The following ICE1 variants were observed in gnomAD, a reference collection of about 807,000 sequenced individuals.
The protein encoded by ICE1 is little elongation complex subunit 1.
ICE1 carries 64 observed loss-of-function variants against 192.7 expected under a neutral mutation model. The observed-to-expected ratio is 0.33, with a 90% CI of 0.27 to 0.41. The LOEUF is 0.41. ICE1 is among the 10% of genes least tolerant of loss of function. The pLI, the probability that ICE1 is intolerant of heterozygous loss-of-function variation, is 1.00. For synonymous variants in ICE1, 1,010 were observed against 984.5 expected (o/e 1.03, Z -0.49); for missense variants, 2,708 against 2,696.0 (o/e 1.00, Z -0.10).
chr5:5,448,697 A>G (rs986712025), intron 10 of ICE1, among the ~76,000 whole-genome samples: 1 of 152,192 alleles, frequency 6.6e-6, no homozygotes, highest in Non-Finnish European at 1.5e-5. Context: ...AAACATTTAA[A>G]TTGTGTGCAG....
chr5:5,464,187 C>T lies in ICE1; in HGVS notation c.4853C>T (p.Pro1618Leu), dbSNP rs3747731. ...ADTSTPTDCS[P>L]DTLSKIRQEV... Reference sequence around the variant, plus strand: ...ACATCCACTCCTACAGATTGTTCTCCTGACACACTGAGTAAAATACGGCAA... The same window carrying T: ...ACATCCACTCCTACAGATTGTTCTCTTGACACACTGAGTAAAATACGGCAA... Residue 1618 changes from proline (P) to leucine (L), a missense_variant, in exon 13 of 19, where the codon CCT becomes CTT. Around this residue, in one of 2 missense-constraint regions of ICE1, gnomAD observed 2,366 missense variants for 2,276.6 expected, o/e 1.04. Coordinates refer to ENST00000296564, the MANE Select transcript of ICE1 (RefSeq NM_015325.3). This position sits in a 1 kb window ranked among gnomAD's most constrained non-coding sequence, Gnocchi z 4.0. The T allele has an allele frequency of 7.5e-5, 121 of 1,613,720 alleles. No individual in the cohort carries two copies. The East Asian group carries it at 2.5e-3, about 33-fold the overall frequency.
rs947595189 is a variant in ICE1, at chr5:5,464,810, G to C, written c.5476G>C (p.Gly1826Arg). 2.3e-5 allele frequency: 37 copies of C among 1,613,550 alleles called. No individual in the cohort carries two copies. The highest frequency in any genetic ancestry group is 3.0e-5 in the Non-Finnish European group (35 of 1,179,776). The change falls in exon 13 of 19, where the codon GGG becomes CGG. Residue 1826 changes from glycine to arginine, a missense_variant. Gly to Arg is a moderately radical substitution (Grantham distance 125). This residue lies in a region of ICE1 where 2,366 missense variants were observed against 2,276.6 expected (regional missense o/e 1.04). Coordinates refer to ENST00000296564, the MANE Select transcript of ICE1 (RefSeq NM_015325.3). This position sits in a 1 kb window ranked among gnomAD's most constrained non-coding sequence, Gnocchi z 4.0. ...TAACCAAGACAAGTCAAGAGATTTG[G>C]GGACTCAGCAGGATTCAAGCGGGAA... ...DCNQDKSRDL[G>R]TQQDSSGKRT...
chr5:5,470,047 G>T (rs915332662), intron 15 of ICE1, among the ~76,000 whole-genome samples: 2 of 152,086 alleles, frequency 1.3e-5, no homozygotes, highest in African/African-American at 4.8e-5. Context: ...AGGGTTACCT[G>T]TTCCCAGAGA....
At chr5:5,478,505 T>C (rs900820825) in intron 17 of ICE1, among the ~76,000 whole-genome samples, 2 of 152,188 alleles carry the variant, frequency 1.3e-5, no homozygotes, top group African/African-American at 4.8e-5. Context: ...AGAATCAATA[T>C]CGTGAAAATA....
In ICE1 at chr5:5,473,581, C is replaced by T. The variant is rs370685852; in HGVS notation, c.6246C>T (p.Phe2082=). 2 of 1,610,564 alleles carry T rather than the reference C, an allele frequency of 1.2e-6. No homozygotes were observed. Among genetic ancestry groups the T allele is most frequent in the Non-Finnish European group, 1.7e-6 (2 of 1,179,144 alleles). The change falls in exon 16 of 19, where the codon TTC becomes TTT. Residue 2082 remains phenylalanine, a synonymous_variant. Transcript: ENST00000296564. ...AGAATGCCCCGGTAGATGTTGGCTT[C>T]ATGGTTTCTAAGCTGCTTTTGACCA... The part of the protein sequence containing the change: ...WEKNAPVDVG[F]MVSKLLLTIQ...
In ICE1 at chr5:5,422,991, C is replaced by A; in HGVS notation, c.76C>A (p.Leu26Met). The A allele has an allele frequency of 6.9e-7, 1 of 1,441,736 alleles. No homozygotes were observed. Among genetic ancestry groups the A allele is most frequent in the South Asian group, 1.4e-5 (1 of 73,556 alleles). The allele number at this position is 1,441,736 out of a possible 1,614,324, so 89.3% of individuals were successfully genotyped here. The stretch of plus-strand genomic sequence containing the variant: ...GTCGCGATGTCAGGGCTGCGCCTCT[C>A]TGCAGCAGGTGCAGCACCTCCCGGG... ...DLSRCQGCAS[L>M]QQNLNEYVEA... The change falls in exon 1 of 19, where the codon CTG becomes ATG. Residue 26 changes from leucine (L) to methionine (M), a missense_variant. Transcript: ENST00000296564.
chr5:5,440,976 G>C, intron 4 of ICE1, 136 bp from the exon 5 acceptor site: 1 of 587,666 alleles, frequency 1.7e-6, no homozygotes, highest in Non-Finnish European at 3.1e-6. Context: ...TTGGTGTAGA[G>C]AGAAGTGCAT....
intron 17 of ICE1, among the ~76,000 whole-genome samples, chr5:5,483,432 T>C (rs1056798421): frequency 2.6e-5 from 4 of 152,222 alleles, no homozygotes; most frequent in African/African-American, 9.6e-5. Context: ...CAGCAAATGG[T>C]CACAGGATTA....
chr5:5,444,754 A>G (rs1414750013), intron 7 of ICE1, among the ~76,000 whole-genome samples: 2 of 152,108 alleles, frequency 1.3e-5, no homozygotes, highest in Non-Finnish European at 2.9e-5. Context: ...ATTTCGATGA[A>G]ATTTTGTACA....
chr5:5,426,935 A>G (rs1325762640), intron 1 of ICE1, among the ~76,000 whole-genome samples: 1 of 152,212 alleles, frequency 6.6e-6, no homozygotes, highest in African/African-American at 2.4e-5. Context: ...AGAATTTACA[A>G]GTGTAACATA....
chr5:5,433,820 A>C (rs963294540), intron 1 of ICE1, among the ~76,000 whole-genome samples: 1 of 152,138 alleles, frequency 6.6e-6, no homozygotes, highest in Non-Finnish European at 1.5e-5. Context: ...GCAAAGTCTT[A>C]TTCATGCATG....
In ICE1 at chr5:5,462,252, G is replaced by A; in HGVS notation, c.2918G>A (p.Arg973Lys). The A allele has an allele frequency of 1.2e-6, 2 of 1,612,350 alleles. No individual in the cohort carries two copies. The highest frequency in any genetic ancestry group is 1.7e-6 in the Non-Finnish European group (2 of 1,178,880). ...CTCATCCAAAACCAAGACATTGTGA[G>A]AGAAGCTGCAGTGCAGGGAGATGGG... The part of the protein sequence containing the change: ...NILIQNQDIV[R>K]EAAVQGDGQK... Residue 973 changes from arginine (R) to lysine (K), a missense_variant, in exon 13 of 19, where the codon AGA becomes AAA. Physicochemically the swap from Arg to Lys is conservative, Grantham distance 26. Coordinates refer to ENST00000296564, the MANE Select transcript of ICE1 (RefSeq NM_015325.3).
intron 10 of ICE1, among the ~76,000 whole-genome samples, 152 bp from the exon 11 acceptor site, chr5:5,454,400 A>G (rs944451666): frequency 2.8e-4 from 42 of 152,176 alleles, no homozygotes; most frequent in African/African-American, 9.2e-4. Flanking sequence ...TTTATCAGTA[A>G]CTGACTGTAT....
chr5:5,460,638 A>G lies in ICE1; in HGVS notation c.1304A>G (p.Asn435Ser). ...AIQALNTWEVNKVTTSGLETF... is the reference protein window; with the variant it reads ...AIQALNTWEVSKVTTSGLETF... ...CAAGCTCTGAATACATGGGAAGTAA[A>G]TAAAGTGACAACTTCTGGACTCGAG... The change falls in exon 13 of 19, where the codon AAT (asparagine) becomes AGT (serine). Residue 435 changes from asparagine (N) to serine (S), a missense_variant. This residue lies in a region of ICE1 where 2,366 missense variants were observed against 2,276.6 expected (regional missense o/e 1.04). Transcript: ENST00000296564. 6.2e-7 allele frequency: 1 copy of G among 1,613,908 alleles called. No homozygotes were observed. The highest frequency in any genetic ancestry group is 1.7e-5 in the Admixed American group (1 of 60,004).
At chr5:5,423,345 G>A (rs2111322002) in intron 1 of ICE1, among the ~76,000 whole-genome samples, 1 of 152,198 alleles carries the variant, frequency 6.6e-6, no homozygotes, top group Middle Eastern at 3.4e-3. Context: ...CAGGTGAAAC[G>A]CCGAGGGCAG....
Position 5,462,827 on chromosome 5 carries a change from T to C in ICE1, c.3493T>C (p.Ser1165Pro). The stretch of plus-strand genomic sequence containing the variant: ...GCAAGATTTTAACATAAGTACTTTT[T>C]CTGAGCTGGATAGACTTTCCACATC... ...ALQDFNISTF[S>P]ELDRLSTSEV... Residue 1165 changes from serine to proline, a missense_variant, in exon 13 of 19, where the codon TCT (serine) becomes CCT (proline). By Grantham distance (74) the Ser-to-Pro change is moderately conservative (BLOSUM62 -1). This residue lies in a region of ICE1 where 2,366 missense variants were observed against 2,276.6 expected (regional missense o/e 1.04). Transcript: ENST00000296564. The C allele has an allele frequency of 6.2e-7, 1 of 1,611,032 alleles. No homozygotes were observed. The highest frequency in any genetic ancestry group is 8.5e-7 in the Non-Finnish European group (1 of 1,178,386).
At chr5:5,449,057 A>G (rs1738335559) in intron 10 of ICE1, among the ~76,000 whole-genome samples, 2 of 152,104 alleles carry the variant, frequency 1.3e-5, no homozygotes, top group South Asian at 4.1e-4. Flanking sequence ...GCTATTCCCA[A>G]GCCTTACTAT....
In ICE1 at chr5:5,479,371, C is replaced by T. The variant is rs12332516; in HGVS notation, c.6520+3292C>T. Among the ~76,000 whole-genome samples, 1,115 of 152,218 alleles carry T rather than the reference C, an allele frequency of 7.3e-3. 15 individuals carry two copies. The highest frequency in any genetic ancestry group is 0.026 in the African/African-American group (1,071 of 41,520). ...CATCATTCACTGGTTATTAGAGAAA[C>T]GCAAATCAAAACCACTATGAGGTAC... On this transcript the variant is annotated intron_variant, in intron 17 of 18. Transcript: ENST00000296564.
At chr5:5,457,865 AG>A (rs1738635386) in intron 12 of ICE1, 124 bp downstream of exon 12, 2 of 923,992 alleles carry the variant, frequency 2.2e-6, no homozygotes, top group Non-Finnish European at 3.3e-6. Flanking sequence ...CAATTTTGTT[AG>A]GGGGTAACAT....
Sources: allele counts gnomAD v4.1 joint callset (sites outside exome capture counted in the v4.1 genomes callset), GRCh38; gene constraint gnomAD v4.1.1; regional missense constraint gnomAD v4.1.1; non-coding constraint Gnocchi (gnomAD v3.1); transcripts MANE v1.5; gene names NCBI Gene and HGNC (gene_info 2026-07-23, HGNC 2026-07-21).